TMEM209: variants seen among roughly 807,000 people sequenced by gnomAD.
TMEM209 encodes transmembrane protein 209.
TMEM209 carries 65 observed loss-of-function variants against 76.2 expected under a neutral mutation model. That is an observed-to-expected ratio of 0.85 (90% CI 0.70 to 1.05). The LOEUF (loss-of-function observed/expected upper bound fraction) is 1.05, where lower values mean the gene tolerates loss of function less well. Among genes scored for constraint, TMEM209 ranks in the 50% least tolerant of loss-of-function variants. TMEM209 has a pLI of 0.00. For synonymous variants in TMEM209, 239 were observed against 237.6 expected (o/e 1.01, Z -0.06); for missense variants, 623 against 685.5 (o/e 0.91, Z 1.02).
intron 5 of TMEM209, among the ~76,000 whole-genome samples, chr7:130,195,547 TCTTG>T (rs753579071): frequency 6.6e-6 from 1 of 152,044 alleles, no homozygotes; most frequent in Admixed American, 6.6e-5. Flanking sequence ...TTAAATGAAC[TCTTG>T]AATATAATGT....
At chr7:130,197,979 C>G (rs1056412567) in intron 5 of TMEM209, among the ~76,000 whole-genome samples, 1 of 152,186 alleles carries the variant, frequency 6.6e-6, no homozygotes, top group Non-Finnish European at 1.5e-5. Context: ...AAGTGCACAA[C>G]TCAATGTTTT....
At chr7:130,194,952 C>A (rs552288463) in intron 5 of TMEM209, among the ~76,000 whole-genome samples, 1 of 152,008 alleles carries the variant, frequency 6.6e-6, no homozygotes, top group African/African-American at 2.4e-5. Context: ...ACACAGATTT[C>A]TCTTTTATTT....
intron 8 of TMEM209, chr7:130,182,091 C>A: frequency 5.7e-6 from 1 of 175,494 alleles, no homozygotes; most frequent in Non-Finnish European, 1.2e-5. Flanking sequence ...CAGGCACCTG[C>A]CACCACGCCC....
At chr7:130,196,946 G>A (rs1467665064) in intron 5 of TMEM209, among the ~76,000 whole-genome samples, 5 of 152,188 alleles carry the variant, frequency 3.3e-5, no homozygotes, top group African/African-American at 1.2e-4. Flanking sequence ...ATGGTATGGG[G>A]CCAGGTGTGG....
In TMEM209 at chr7:130,181,694, G is replaced by A; in HGVS notation, c.1049C>T (p.Pro350Leu). Residue 350 changes from proline to leucine, a missense_variant, in exon 9 of 15, where the codon CCA becomes CTA. Transcript: ENST00000397622. ...GACAGACTCAATCTCTTGAACAAGT[G>A]GCACTAATATTGTCTCATTGATCCA... ...RNWINETILV[P>L]LVQEIESVST... 1 of 1,610,538 alleles carries A rather than the reference G, an allele frequency of 6.2e-7. No individual in the cohort carries two copies. Among genetic ancestry groups the A allele is most frequent in the Non-Finnish European group, 8.5e-7 (1 of 1,178,390 alleles).
At position 130,173,863 on chromosome 7, in the gene TMEM209, A is replaced by G; in HGVS notation, c.1421T>C (p.Phe474Ser). The G allele has an allele frequency of 6.2e-7, 1 of 1,613,952 alleles. No individual in the cohort carries two copies. Among genetic ancestry groups the G allele is most frequent in the Non-Finnish European group, 8.5e-7 (1 of 1,179,822 alleles). ...PHPKYPDGKT[F>S]TSQHFVQTPN... is the part of the protein sequence containing the mutation. ...TGTCTGAACAAAGTGCTGAGAAGTAAAAGTTTTTCCGTCGGGATACTTCGG... is the reference window on the plus strand; with the variant it reads ...TGTCTGAACAAAGTGCTGAGAAGTAGAAGTTTTTCCGTCGGGATACTTCGG... The change falls in exon 12 of 15, where the codon TTT becomes TCT. Residue 474 changes from phenylalanine to serine, a missense_variant. Physicochemically the swap from Phe to Ser is radical, Grantham distance 155. Coordinates refer to ENST00000397622, the MANE Select transcript of TMEM209 (RefSeq NM_032842.4).
intron 13 of TMEM209, among the ~76,000 whole-genome samples, chr7:130,172,855 C>T (rs192094237): frequency 3.4e-4 from 52 of 151,458 alleles, no homozygotes; most frequent in African/African-American, 1.2e-3. Flanking sequence ...AAAAAATAGC[C>T]GGGTGTGGTG....
intron 7 of TMEM209, among the ~76,000 whole-genome samples, chr7:130,184,857 CA>C (rs982910647): frequency 6.6e-6 from 1 of 152,182 alleles, no homozygotes; most frequent in African/African-American, 2.4e-5. Context: ...AAATTACTGA[CA>C]AATATTCTAA....
At chr7:130,173,968 A>G in intron 11 of TMEM209, 29 bp from the exon 12 acceptor site, 1 of 1,459,726 alleles carries the variant, frequency 6.9e-7, no homozygotes, top group Non-Finnish European at 9.6e-7. Flanking sequence ...TTTTTTTTTA[A>G]GTCAGCATGA....
chr7:130,187,702 A>G (rs1453349456), intron 6 of TMEM209, among the ~76,000 whole-genome samples: 1 of 152,072 alleles, frequency 6.6e-6, no homozygotes, highest in East Asian at 1.9e-4. Context: ...AATTATAGAT[A>G]TATCTTCACA....
intron 3 of TMEM209, 23 bp from the exon 4 acceptor site, chr7:130,202,686 T>A (rs748866852): frequency 6.2e-7 from 1 of 1,604,360 alleles, no homozygotes; most frequent in African/African-American, 1.3e-5. Flanking sequence ...AATTTTTTTT[T>A]AATAAGGGGG....
rs1584689081 is a variant in TMEM209 at position 130,192,828 on chromosome 7, A to G, written c.574-5T>C. 1 of 1,611,496 alleles carries G rather than the reference A, an allele frequency of 6.2e-7. No homozygotes were observed. Among genetic ancestry groups the G allele is most frequent in the African/African-American group, 1.3e-5 (1 of 74,976 alleles). On this transcript the variant is annotated splice_region_variant and splice_polypyrimidine_tract_variant and intron_variant, in intron 5 of 14. Transcript: ENST00000397622. ...AGAGGGGCTAAAGCTCGCCAACTAT[A>G]CAAAATAAAAGATCTTTACTTTATT...
chr7:130,176,020 AAAGT>A (rs1341875202), intron 10 of TMEM209, among the ~76,000 whole-genome samples: 1 of 152,200 alleles, frequency 6.6e-6, no homozygotes, highest in Non-Finnish European at 1.5e-5. Context: ...ACAAGAAAAA[AAAGT>A]GTGTGTGTAT....
At chr7:130,188,530 A>T (rs1797684809) in intron 6 of TMEM209, among the ~76,000 whole-genome samples, 1 of 141,946 alleles carries the variant, frequency 7.0e-6, no homozygotes, top group African/African-American at 2.6e-5. Context: ...CGGGAGGCGG[A>T]GCTTGCAGCG....
intron 7 of TMEM209, 134 bp downstream of exon 7, chr7:130,185,058 C>T: frequency 9.7e-7 from 1 of 1,028,696 alleles, no homozygotes; most frequent in African/African-American, 1.6e-5. Context: ...GGAGCTTTCC[C>T]ACTGCCTAAT....
intron 1 of TMEM209, chr7:130,205,060 A>C (rs1357675978): frequency 7.5e-7 from 1 of 1,332,560 alleles, no homozygotes; most frequent in African/African-American, 1.5e-5. Context: ...TCCTTTCTTC[A>C]GCTAGGCTCA....
intron 10 of TMEM209, among the ~76,000 whole-genome samples, chr7:130,178,071 G>T (rs908950819): frequency 9.9e-5 from 15 of 151,916 alleles, no homozygotes; most frequent in African/African-American, 2.7e-4. Flanking sequence ...CAAATAATAA[G>T]AATATCACAG....
rs377675143 is a variant in TMEM209, at chr7:130,181,690, A to T, written c.1053T>A (p.Leu351=). 32 of 1,610,974 alleles carry T rather than the reference A, an allele frequency of 2.0e-5. No homozygotes were observed. The African/African-American group carries it at 3.9e-4, about 19-fold the overall frequency. Reference sequence around the variant, plus strand: ...TGCTGACAGACTCAATCTCTTGAACAAGTGGCACTAATATTGTCTCATTGA... The same window carrying T: ...TGCTGACAGACTCAATCTCTTGAACTAGTGGCACTAATATTGTCTCATTGA... The part of the protein sequence containing the change: ...NWINETILVP[L]VQEIESVSTQ... Residue 351 remains leucine, a synonymous_variant, in exon 9 of 15, where the codon CTT becomes CTA. Transcript: ENST00000397622.
Position 130,166,287 on chromosome 7 carries a change from T to A in TMEM209, c.*164A>T, listed in dbSNP as rs1305000563. ...ATATAGAAGATACGGGACATATTTT[T>A]ACAATTACATTTCATAACAGCTACA... On this transcript the variant is annotated 3_prime_UTR_variant, in exon 15 of 15. Coordinates refer to ENST00000397622, the MANE Select transcript of TMEM209 (RefSeq NM_032842.4). 2.1e-6 allele frequency: 1 copy of A among 470,158 alleles called. No homozygotes were observed. The highest frequency in any genetic ancestry group is 3.6e-6 in the Non-Finnish European group (1 of 276,522). The allele number at this position is 470,158 out of a possible 1,614,324, so 29.1% of individuals were successfully genotyped here.
Sources: gnomAD v4.1 joint callset for allele counts (sites outside exome capture counted in the v4.1 genomes callset) on GRCh38, gnomAD v4.1.1 for gene constraint, MANE v1.5 for transcripts, NCBI Gene and HGNC (gene_info 2026-07-23, HGNC 2026-07-21) for gene names.